FHIT: variants seen among roughly 807,000 people sequenced by gnomAD.
FHIT encodes the protein fragile histidine triad diadenosine triphosphatase.
A neutral mutation model predicts 17.9 loss-of-function variants in FHIT; 19 were observed. That is an observed-to-expected ratio of 1.06 (90% confidence interval 0.74 to 1.56). The LOEUF is 1.56. FHIT is among the 40% of genes most tolerant of loss of function. The pLI, the probability that FHIT is intolerant of heterozygous loss-of-function variation, is 0.00. For synonymous variants in FHIT, 81 were observed against 69.7 expected, an observed-to-expected ratio of 1.16 and a Z score of -0.81; for missense variants, 248 against 189.2, an observed-to-expected ratio of 1.31 and a Z score of -1.82.
intron 7 of FHIT, among the ~76,000 whole-genome samples, chr3:59,937,087 G>C (rs1706278195): frequency 6.6e-6 from 1 of 152,080 alleles, no homozygotes; most frequent in Admixed American, 6.6e-5. Context: ...TTATGTCGAT[G>C]GTGTCACACA....
intron 4 of FHIT, among the ~76,000 whole-genome samples, chr3:60,632,981 C>T (rs1462735642): frequency 6.6e-6 from 1 of 152,008 alleles, no homozygotes; most frequent in Non-Finnish European, 1.5e-5. Flanking sequence ...ATCTTGTGAG[C>T]AAAAGAGAAC....
At chr3:60,796,070 CCT>C (rs879963207) in intron 4 of FHIT, among the ~76,000 whole-genome samples, 2 of 152,056 alleles carry the variant, frequency 1.3e-5, no homozygotes, top group Non-Finnish European at 2.9e-5. Context: ...AGCAGAAACC[CCT>C]GATAAACCCA....
At chr3:61,133,488 G>T (rs2036823569) in intron 2 of FHIT, among the ~76,000 whole-genome samples, 2 of 152,170 alleles carry the variant, frequency 1.3e-5, no homozygotes, top group Non-Finnish European at 2.9e-5. Flanking sequence ...AGAAGAAAAT[G>T]AATTCCAGAA....
intron 4 of FHIT, among the ~76,000 whole-genome samples, chr3:60,543,907 C>CTTTTTTTTTTTTTTTTGTTTTTTT (rs2036271271): frequency 1.9e-5 from 1 of 52,076 alleles, no homozygotes; most frequent in Non-Finnish European, 3.0e-5. Flanking sequence ...CCACGCCCGG[C>CTTTTTTTTTTTTTTTTGTTTTTTT]TTTTTTTTTT....
At chr3:60,380,212 T>G (rs1700739581) in intron 5 of FHIT, among the ~76,000 whole-genome samples, 1 of 151,906 alleles carries the variant, frequency 6.6e-6, no homozygotes, top group African/African-American at 2.4e-5. Context: ...CTTGGAGCCC[T>G]CCCCATGGTA....
chr3:61,077,007 G>A (rs765680670), intron 2 of FHIT, among the ~76,000 whole-genome samples: 2 of 152,130 alleles, frequency 1.3e-5, no homozygotes, highest in Non-Finnish European at 2.9e-5. Flanking sequence ...CAAACTTACA[G>A]GCAGGATGAA....
chr3:60,509,631 C>G, intron 5 of FHIT, among the ~76,000 whole-genome samples: 1 of 151,828 alleles, frequency 6.6e-6, no homozygotes, highest in East Asian at 1.9e-4. Flanking sequence ...TTGCTATTCG[C>G]AAGTGACAGA....
chr3:60,739,806 A>G (rs1301202241), intron 4 of FHIT, among the ~76,000 whole-genome samples: 2 of 152,172 alleles, frequency 1.3e-5, no homozygotes, highest in South Asian at 2.1e-4. Context: ...GTGCCCCCTA[A>G]TTATTAGGAA....
chr3:60,531,590 T>C (rs1285572646), intron 5 of FHIT, among the ~76,000 whole-genome samples: 1 of 152,150 alleles, frequency 6.6e-6, no homozygotes, highest in Non-Finnish European at 1.5e-5. Flanking sequence ...AAAGAAACTC[T>C]TTAGAGAAAT....
intron 4 of FHIT, among the ~76,000 whole-genome samples, chr3:60,811,081 T>C (rs782266476): frequency 3.3e-5 from 5 of 152,176 alleles, no homozygotes; most frequent in Non-Finnish European, 5.9e-5. Context: ...CTGCTTTGTA[T>C]GAACAAGATC....
At chr3:60,350,973 G>A (rs1435012558) in intron 5 of FHIT, among the ~76,000 whole-genome samples, 1 of 152,138 alleles carries the variant, frequency 6.6e-6, no homozygotes, top group Non-Finnish European at 1.5e-5. Context: ...AAGAAACGAA[G>A]TCTGTCAACA....
intron 7 of FHIT, among the ~76,000 whole-genome samples, chr3:59,973,720 A>G (rs1204198864): frequency 6.6e-6 from 1 of 152,120 alleles, no homozygotes; most frequent in East Asian, 1.9e-4. Flanking sequence ...GAGAATATTT[A>G]TATAATAGTT....
At chr3:60,421,959 A>G (rs2107266063) in intron 5 of FHIT, among the ~76,000 whole-genome samples, 1 of 152,274 alleles carries the variant, frequency 6.6e-6, no homozygotes, top group South Asian at 2.1e-4. Flanking sequence ...AAGGTTGTAG[A>G]GGCAAAGGTA....
intron 3 of FHIT, among the ~76,000 whole-genome samples, chr3:60,827,125 A>G (rs528419657): frequency 2.6e-5 from 4 of 152,336 alleles, no homozygotes; most frequent in Admixed American, 6.5e-5. Flanking sequence ...AGAATTGTGA[A>G]GAATGTTCCT....
chr3:60,441,037 C>T (rs754903585), intron 5 of FHIT, among the ~76,000 whole-genome samples: 1 of 151,972 alleles, frequency 6.6e-6, no homozygotes, highest in Non-Finnish European at 1.5e-5. Context: ...GCATGTTCAC[C>T]CCTTTTGTTT....
chr3:60,349,944 A>T (rs1458075505), intron 5 of FHIT, among the ~76,000 whole-genome samples: 1 of 152,206 alleles, frequency 6.6e-6, no homozygotes, highest in African/African-American at 2.4e-5. Flanking sequence ...TTCCTGATTC[A>T]TTCTCTTGTC....
chr3:59,967,367 C>A (rs563077148), intron 7 of FHIT, among the ~76,000 whole-genome samples: 1 of 152,018 alleles, frequency 6.6e-6, no homozygotes, highest in East Asian at 1.9e-4. Flanking sequence ...CATAACTGTA[C>A]GTGTGATACT....
intron 5 of FHIT, among the ~76,000 whole-genome samples, chr3:60,128,171 C>A (rs1705644490): frequency 6.6e-6 from 1 of 151,984 alleles, no homozygotes; most frequent in Admixed American, 6.6e-5. Context: ...AATATTGAAC[C>A]CTGATATGGT....
At chr3:59,992,347 G>C (rs779583122) in intron 7 of FHIT, among the ~76,000 whole-genome samples, 1 of 152,042 alleles carries the variant, frequency 6.6e-6, no homozygotes. Context: ...CAATTAAGCT[G>C]CCCAAGGGGT....
Sources: allele counts gnomAD v4.1 joint callset (sites outside exome capture counted in the v4.1 genomes callset), GRCh38; gene constraint gnomAD v4.1.1; transcripts MANE v1.5; gene names NCBI Gene and HGNC (gene_info 2026-07-23, HGNC 2026-07-21).